CDH13: variants seen among roughly 807,000 people sequenced by gnomAD.
CDH13 encodes the protein cadherin-13.
A neutral mutation model predicts 63.8 loss-of-function variants in CDH13; 24 were observed. The observed-to-expected ratio is 0.38, with a 90% CI of 0.27 to 0.53. The LOEUF (loss-of-function observed/expected upper bound fraction) is 0.53. Ranked by LOEUF, CDH13 falls within the 20% of genes least tolerant of loss-of-function variation. The pLI is 0.85. For missense variants in CDH13, 1,049 were observed against 903.1 expected, an observed-to-expected ratio of 1.16 and a Z score of -2.07; for synonymous variants, 503 against 355.3, an observed-to-expected ratio of 1.42 and a Z score of -4.67.
rs1471220962 is a variant in CDH13 at position 83,032,018 on chromosome 16, A to C, written c.166A>C (p.Ser56Arg). The C allele has an allele frequency of 1.3e-6, 2 of 1,589,042 alleles. No homozygotes were observed. The highest frequency in any genetic ancestry group is 3.6e-5 in the Admixed American group (2 of 56,224). The change falls in exon 3 of 14, where the codon AGT (serine) becomes CGT (arginine). Residue 56 changes from serine to arginine, a missense_variant. Physicochemically the swap from Ser to Arg is moderately radical, Grantham distance 110. Transcript: ENST00000567109. ...EDQSILNLTF[S>R]DCKGNDKLRY... Reference sequence around the variant, plus strand: ...TTTCGTTTGTTTCCCAGTGACCTTCAGTGACTGTAAGGGAAACGACAAGCT... The same window carrying C: ...TTTCGTTTGTTTCCCAGTGACCTTCCGTGACTGTAAGGGAAACGACAAGCT...
At chr16:83,751,366 G>T (rs918076314) in intron 11 of CDH13, among the ~76,000 whole-genome samples, 2 of 152,090 alleles carry the variant, frequency 1.3e-5, no homozygotes, top group Non-Finnish European at 2.9e-5. Context: ...AGGCTGAGGT[G>T]GGCAGATCGC....
chr16:82,942,458 A>G (rs920175620), intron 2 of CDH13, among the ~76,000 whole-genome samples: 2 of 152,330 alleles, frequency 1.3e-5, no homozygotes, highest in East Asian at 3.9e-4. Flanking sequence ...CTCTGGTAAT[A>G]GAAATACAGA....
intron 2 of CDH13, among the ~76,000 whole-genome samples, chr16:82,871,369 G>C (rs2040336022): frequency 6.6e-6 from 1 of 152,120 alleles, no homozygotes; most frequent in East Asian, 1.9e-4. Flanking sequence ...TCCTGAGATG[G>C]GGACAGTTTG....
chr16:82,780,326 C>T (rs2035694283), intron 1 of CDH13, among the ~76,000 whole-genome samples: 1 of 152,152 alleles, frequency 6.6e-6, no homozygotes, highest in African/African-American at 2.4e-5. Context: ...TCTCTCCTTG[C>T]CAATCTCTCC....
chr16:82,813,315 C>G (rs2037540946), intron 1 of CDH13, among the ~76,000 whole-genome samples: 6 of 152,084 alleles, frequency 3.9e-5, no homozygotes, highest in Admixed American at 3.9e-4. Context: ...CAGAGCTGCA[C>G]CTGTGCTCCT....
chr16:82,779,095 G>C (rs1220596746), intron 1 of CDH13, among the ~76,000 whole-genome samples: 1 of 152,178 alleles, frequency 6.6e-6, no homozygotes, highest in Non-Finnish European at 1.5e-5. Context: ...GGTAAAGCTT[G>C]AGTAATGAGT....
intron 5 of CDH13, among the ~76,000 whole-genome samples, chr16:83,285,528 A>G (rs2089287682): frequency 6.6e-6 from 1 of 152,180 alleles, no homozygotes; most frequent in South Asian, 2.1e-4. Context: ...AACAGTAAAA[A>G]TAACACCATA....
chr16:83,335,130 T>A (rs991782961), intron 5 of CDH13, among the ~76,000 whole-genome samples: 1 of 152,218 alleles, frequency 6.6e-6, no homozygotes, highest in Non-Finnish European at 1.5e-5. Flanking sequence ...CAATATAGTA[T>A]ACTGACACAA....
chr16:82,786,397 A>G (rs1443878836), intron 1 of CDH13, among the ~76,000 whole-genome samples: 3 of 151,054 alleles, frequency 2.0e-5, no homozygotes, highest in African/African-American at 7.3e-5. Context: ...CAGAGGGCTT[A>G]CTTGCAATGA....
chr16:83,569,396 G>A (rs1904362878), intron 7 of CDH13, among the ~76,000 whole-genome samples: 5 of 152,198 alleles, frequency 3.3e-5, no homozygotes, highest in Admixed American at 3.3e-4. Context: ...ACAAAATAGT[G>A]TGTTCCCCTT....
chr16:83,558,644 T>C (rs1567762840), intron 7 of CDH13, among the ~76,000 whole-genome samples: 1 of 152,344 alleles, frequency 6.6e-6, no homozygotes, highest in South Asian at 2.1e-4. Flanking sequence ...TTTTTCCCTT[T>C]TTTTTCAAAA....
At chr16:82,667,997 C>G (rs1912804052) in intron 1 of CDH13, among the ~76,000 whole-genome samples, 1 of 152,170 alleles carries the variant, frequency 6.6e-6, no homozygotes, top group African/African-American at 2.4e-5. Context: ...TGTTACGCAT[C>G]TATCGCGACA....
intron 1 of CDH13, among the ~76,000 whole-genome samples, chr16:82,814,830 A>ACAG (rs947477658): frequency 2.0e-5 from 3 of 152,012 alleles, no homozygotes; most frequent in Non-Finnish European, 4.4e-5. Flanking sequence ...GAAGTAGGGG[A>ACAG]CAGTCTTGGA....
At chr16:83,289,573 A>G (rs1008433136) in intron 5 of CDH13, among the ~76,000 whole-genome samples, 4 of 152,150 alleles carry the variant, frequency 2.6e-5, no homozygotes, top group African/African-American at 9.7e-5. Flanking sequence ...TAATGGAGTA[A>G]ACATACAGGA....
intron 6 of CDH13, among the ~76,000 whole-genome samples, chr16:83,448,969 G>A (rs553904010): frequency 6.6e-6 from 1 of 152,162 alleles, no homozygotes; most frequent in African/African-American, 2.4e-5. Flanking sequence ...AAGAAGTCAA[G>A]TGAAGCAACA....
At chr16:82,951,061 A>C (rs774084017) in intron 2 of CDH13, among the ~76,000 whole-genome samples, 2 of 152,172 alleles carry the variant, frequency 1.3e-5, no homozygotes, top group African/African-American at 4.8e-5. Flanking sequence ...TTGAGCCCAG[A>C]TACCTTCCCT....
chr16:82,759,196 A>G (rs1040308421), intron 1 of CDH13, among the ~76,000 whole-genome samples: 11 of 152,246 alleles, frequency 7.2e-5, no homozygotes, highest in South Asian at 4.1e-4. Context: ...GAGTGTCCCC[A>G]CTGGGAGTGA....
intron 4 of CDH13, among the ~76,000 whole-genome samples, chr16:83,202,360 A>G (rs1198231837): frequency 6.6e-6 from 1 of 152,176 alleles, no homozygotes; most frequent in Non-Finnish European, 1.5e-5. Flanking sequence ...GGATATGGCT[A>G]TAAAGAGCCT....
At chr16:83,570,970 T>A (rs1048524980) in intron 7 of CDH13, among the ~76,000 whole-genome samples, 4 of 124,308 alleles carry the variant, frequency 3.2e-5, no homozygotes, top group African/African-American at 6.4e-5. Flanking sequence ...TATATATATA[T>A]AAAAACCTTC....
Sources: gnomAD v4.1 joint callset for allele counts (sites outside exome capture counted in the v4.1 genomes callset) on GRCh38, gnomAD v4.1.1 for gene constraint, MANE v1.5 for transcripts, NCBI Gene and HGNC (gene_info 2026-07-23, HGNC 2026-07-21) for gene names.